The following TACC1 variants were observed in gnomAD, a reference collection of about 807,000 sequenced individuals.
The protein encoded by TACC1 is transforming acidic coiled-coil containing protein 1.
A neutral mutation model predicts 84.4 loss-of-function variants in TACC1; 48 were observed. The observed-to-expected ratio is 0.57, with a 90% CI of 0.45 to 0.72. The LOEUF (loss-of-function observed/expected upper bound fraction) is 0.72, where lower values mean the gene tolerates loss of function less well. Among genes scored for constraint, TACC1 ranks in the 30% least tolerant of loss-of-function variants. The probability of loss-of-function intolerance (pLI) is 0.00; values close to 1 mark genes in which losing one functional copy is unlikely to be tolerated. For missense variants in TACC1, 920 were observed against 973.0 expected (o/e 0.95, Z 0.72); for synonymous variants, 372 against 376.3 (o/e 0.99, Z 0.13).
chr8:38,821,541 A>G (rs769159557), intron 3 of TACC1, among the ~76,000 whole-genome samples: 10 of 152,238 alleles, frequency 6.6e-5, no homozygotes, highest in East Asian at 1.9e-4. Flanking sequence ...TAAAATTTCA[A>G]TAAGAATCAA....
intron 3 of TACC1, among the ~76,000 whole-genome samples, chr8:38,753,125 A>G (rs1273144813): frequency 6.6e-6 from 1 of 152,154 alleles, no homozygotes; most frequent in East Asian, 1.9e-4. Flanking sequence ...TTGGAGACAG[A>G]CTATCGCTGT....
intron 3 of TACC1, among the ~76,000 whole-genome samples, chr8:38,779,113 T>A (rs1476613183): frequency 1.3e-5 from 2 of 152,026 alleles, no homozygotes; most frequent in African/African-American, 4.8e-5. Context: ...TAGCTGGGAC[T>A]ACAGGCGAAC....
chr8:38,786,692 G>T (rs1267466631), upstream of TACC1, among the ~76,000 whole-genome samples: 1 of 151,972 alleles, frequency 6.6e-6, no homozygotes. Context: ...TCCAGTCCTC[G>T]GTCACTCTTG....
At chr8:38,774,723 T>G (rs1162937565) in intron 3 of TACC1, among the ~76,000 whole-genome samples, 16 of 152,094 alleles carry the variant, frequency 1.1e-4, no homozygotes. Flanking sequence ...TATAAAAATA[T>G]TTTTAAAGGC....
chr8:38,787,615 C>A lies in TACC1; in HGVS notation c.33C>A (p.Pro11=), dbSNP rs79445461. The A allele has an allele frequency of 2.0e-4, 316 of 1,546,386 alleles. No individual in the cohort carries two copies. The East Asian group carries it at 6.4e-3, about 32-fold the overall frequency. MAFSPWQILS[P]VQWAKWTWSA... is the part of the protein sequence containing the mutation. ...TCAGCCCGTGGCAGATCCTGTCCCCCGTGCAGTGGGCGAAATGGACGTGGT... is the reference window on the plus strand; with the variant it reads ...TCAGCCCGTGGCAGATCCTGTCCCCAGTGCAGTGGGCGAAATGGACGTGGT... The change falls in exon 1 of 13, where the codon CCC becomes CCA. Residue 11 remains proline, a synonymous_variant. Coordinates refer to ENST00000317827, the MANE Select transcript of TACC1 (RefSeq NM_006283.3).
intron 2 of TACC1, among the ~76,000 whole-genome samples, chr8:38,793,889 A>G (rs935333840): frequency 6.6e-6 from 1 of 152,224 alleles, no homozygotes; most frequent in Non-Finnish European, 1.5e-5. Context: ...ACTATCTTGT[A>G]CAGAAAAAAA....
chr8:38,783,214 G>T (rs1194450595), upstream of TACC1, among the ~76,000 whole-genome samples: 9 of 151,034 alleles, frequency 6.0e-5, no homozygotes. Context: ...CTGTGACCTA[G>T]GTTGAATGGT....
rs1832861682 is a variant in TACC1, at chr8:38,849,870, A to AG, written c.*1850dup. ...TGCTGTCCTAGTGGTCATAGTACCAAGGGCACGTGTCTCCCCTTGGTATAA... is the reference window on the plus strand; with the variant it reads ...TGCTGTCCTAGTGGTCATAGTACCAAGGGGCACGTGTCTCCCCTTGGTATAA... On this transcript the variant is annotated 3_prime_UTR_variant, in exon 13 of 13. Transcript: ENST00000317827. 6.6e-6 allele frequency: 1 copy of AG among 152,660 alleles called. No homozygotes were observed. Among genetic ancestry groups the AG allele is most frequent in the Non-Finnish European group, 1.5e-5 (1 of 68,046 alleles). 9.5% of individuals were successfully genotyped at this position (152,660 alleles called of 1,614,324 possible).
rs182253678 is a variant in TACC1, at chr8:38,852,301, T to C, written c.*4278T>C. 4.7e-4 allele frequency: 102 copies of C among 216,488 alleles called. 1 individual carries two copies. Among genetic ancestry groups the C allele is most frequent in the African/African-American group, 2.1e-3 (93 of 43,436 alleles). 13.4% of individuals were successfully genotyped at this position (216,488 alleles called of 1,614,324 possible). ...TGGTTATAGTTCTAATATGGAGATGTTGTGTGCAATGCTGGCCTGTGGTGG... is the reference window on the plus strand; with the variant it reads ...TGGTTATAGTTCTAATATGGAGATGCTGTGTGCAATGCTGGCCTGTGGTGG... On this transcript the variant is annotated 3_prime_UTR_variant, in exon 13 of 13. Coordinates refer to ENST00000317827, the MANE Select transcript of TACC1 (RefSeq NM_006283.3).
chr8:38,753,196 C>T (rs2151754084), intron 3 of TACC1, among the ~76,000 whole-genome samples: 1 of 152,128 alleles, frequency 6.6e-6, no homozygotes, highest in South Asian at 2.1e-4. Context: ...ATTTCCTGGG[C>T]TCCAGTGATC....
intron 3 of TACC1, chr8:38,824,169 C>A: frequency 1.6e-6 from 1 of 618,056 alleles, no homozygotes; most frequent in Non-Finnish European, 2.7e-6. Flanking sequence ...TCAGTCACTT[C>A]ATGAGTCAGC....
At chr8:38,757,776 T>G (rs1172218476) in intron 3 of TACC1, among the ~76,000 whole-genome samples, 1 of 152,102 alleles carries the variant, frequency 6.6e-6, no homozygotes, top group Non-Finnish European at 1.5e-5. Context: ...GAGGTGAAAC[T>G]ATGAGAGAGG....
At chr8:38,739,656 C>T (rs190165877) in intron 1 of TACC1, among the ~76,000 whole-genome samples, 1 of 152,342 alleles carries the variant, frequency 6.6e-6, no homozygotes, top group East Asian at 1.9e-4. Flanking sequence ...CGTAAAGGTT[C>T]ACTTTCTGTG....
chr8:38,782,217 G>T (rs1816148537), intron 3 of TACC1, among the ~76,000 whole-genome samples: 1 of 150,582 alleles, frequency 6.6e-6, no homozygotes, highest in Non-Finnish European at 1.5e-5. Context: ...TCCCCTTCCT[G>T]TGTCCATGTG....
In TACC1 at chr8:38,831,124, G is replaced by A; in HGVS notation, c.1661-1G>A. 1 of 1,614,172 alleles carries A rather than the reference G, an allele frequency of 6.2e-7. No individual in the cohort carries two copies. Among genetic ancestry groups the A allele is most frequent in the Non-Finnish European group, 8.5e-7 (1 of 1,179,994 alleles). ...ACTATAAAAATGACTTTCTGTCTTA[G>A]GCATAGAGAAGGAGACGTGCCAGAA... On this transcript the variant is annotated splice_acceptor_variant, in intron 5 of 12. Coordinates refer to ENST00000317827, the MANE Select transcript of TACC1 (RefSeq NM_006283.3). LOFTEE classifies it high-confidence loss of function.
rs918288516 is a variant in TACC1 at position 38,740,965 on chromosome 8, C to T, written c.-674-1386C>T. 2.6e-5 allele frequency among the ~76,000 whole-genome samples: 4 copies of T among 152,212 alleles called. No individual in the cohort carries two copies. In the South Asian group the frequency reaches 8.3e-4, roughly 32 times the overall value. On this transcript the variant is annotated intron_variant, in intron 1 of 14. Transcript: ENST00000518415. Reference sequence around the variant, plus strand: ...TACCTTGGCAGCTCTCTCTGGCTCGCGAGTATCCTAAAGTCACTATATGGC... The same window carrying T: ...TACCTTGGCAGCTCTCTCTGGCTCGTGAGTATCCTAAAGTCACTATATGGC...
At chr8:38,824,422 A>G (rs1371388677) in intron 3 of TACC1, among the ~76,000 whole-genome samples, 1 of 152,218 alleles carries the variant, frequency 6.6e-6, no homozygotes, top group Admixed American at 6.5e-5. Flanking sequence ...AATTTTACTG[A>G]GTCAGCTCAA....
intron 3 of TACC1, chr8:38,824,637 C>G (rs888973572): frequency 6.6e-6 from 1 of 152,516 alleles, no homozygotes; most frequent in Admixed American, 6.5e-5. Context: ...AGAACAGAAT[C>G]TGAATTAGTC....
At position 38,760,028 on chromosome 8, in the gene TACC1, CT is replaced by C. The variant is rs1554498307; in HGVS notation, c.26+14542del. Among the ~76,000 whole-genome samples, 628 of 147,120 alleles carry C rather than the reference CT, an allele frequency of 4.3e-3. 5 individuals are homozygous for C. The highest frequency in any genetic ancestry group is 0.01 in the African/African-American group (416 of 39,918). On this transcript the variant is annotated intron_variant, in intron 3 of 14. Transcript: ENST00000518415. ...TGTAGCCTTTTCAAAATCTATTGTT[CT>C]TTTTTTAAAAAAAAAAAATACATGA...
Sources: gnomAD v4.1 joint callset for allele counts (sites outside exome capture counted in the v4.1 genomes callset) on GRCh38, gnomAD v4.1.1 for gene constraint, MANE v1.5 for transcripts, NCBI Gene and HGNC (gene_info 2026-07-23, HGNC 2026-07-21) for gene names.